Variants in NOSTRIN observed in about 807,000 individuals in gnomAD.
NOSTRIN encodes the protein nitric oxide synthase trafficking.
Under a neutral mutation model 59.0 loss-of-function variants are expected in NOSTRIN, and 63 were observed. That is an observed-to-expected ratio of 1.07 (90% CI 0.87 to 1.32). The LOEUF (loss-of-function observed/expected upper bound fraction) is 1.32. Ranked by LOEUF, NOSTRIN falls within the 40% of genes most tolerant of loss-of-function variation. The pLI, the probability that NOSTRIN is intolerant of heterozygous loss-of-function variation, is 0.00. For synonymous variants in NOSTRIN, 200 were observed against 165.4 expected (o/e 1.21, Z -1.61); for missense variants, 512 against 473.1 (o/e 1.08, Z -0.76).
chr2:168,853,911 A>G (rs984342623), intron 10 of NOSTRIN, among the ~76,000 whole-genome samples: 2 of 151,906 alleles, frequency 1.3e-5, no homozygotes, highest in African/African-American at 4.8e-5. Context: ...TCTGTGGCCC[A>G]GGCTGGAGTG....
chr2:168,807,715 A>G (rs964216364), intron 1 of NOSTRIN, among the ~76,000 whole-genome samples: 5 of 152,180 alleles, frequency 3.3e-5, no homozygotes, highest in African/African-American at 1.2e-4. Context: ...TTGGCAGAGT[A>G]TGGCTGGGAG....
chr2:168,835,038 T>C (rs1454261251), intron 7 of NOSTRIN, among the ~76,000 whole-genome samples: 3 of 152,154 alleles, frequency 2.0e-5, no homozygotes, highest in Non-Finnish European at 4.4e-5. Flanking sequence ...GCCTTAACTA[T>C]AGTAAATTTA....
chr2:168,821,227 C>T (rs1039934536), intron 2 of NOSTRIN, among the ~76,000 whole-genome samples: 2 of 152,326 alleles, frequency 1.3e-5, no homozygotes, highest in South Asian at 2.1e-4. Flanking sequence ...GGTTAGCTTT[C>T]CTGGACTCAG....
chr2:168,859,575 C>G lies in NOSTRIN; in HGVS notation c.1117C>G (p.Leu373Val). ...SYKLSSMLAE[L>V]EQRPQPSHPC... ...CAAACTGTCATCAATGTTAGCAGAA[C>G]TTGAGCAAAGACCTCAACCCAGCCA... The change falls in exon 13 of 16, where the codon CTT becomes GTT. Residue 373 changes from leucine (L) to valine (V), a missense_variant. By Grantham distance (32) the Leu-to-Val change is conservative. Transcript: ENST00000317647. 1 of 1,614,110 alleles carries G rather than the reference C, an allele frequency of 6.2e-7. No individual in the cohort carries two copies. Among genetic ancestry groups the G allele is most frequent in the Non-Finnish European group, 8.5e-7 (1 of 1,180,010 alleles).
At chr2:168,859,034 T>C (rs2105785257) in intron 12 of NOSTRIN, 1 of 152,854 alleles carries the variant, frequency 6.5e-6, no homozygotes, top group African/African-American at 2.4e-5. Context: ...CTGTAAACTT[T>C]GTGGGTAATA....
At chr2:168,808,768 G>C (rs1256308253) in intron 1 of NOSTRIN, among the ~76,000 whole-genome samples, 1 of 152,130 alleles carries the variant, frequency 6.6e-6, no homozygotes, top group Non-Finnish European at 1.5e-5. Context: ...CCATTAAAAA[G>C]TCAATTTTCC....
chr2:168,828,105 A>G (rs571011623), intron 3 of NOSTRIN, 53 bp from the exon 4 acceptor site: 1 of 867,912 alleles, frequency 1.2e-6, no homozygotes, highest in East Asian at 2.4e-5. Flanking sequence ...AGCACATCCT[A>G]TTTCCTAGGA....
At chr2:168,795,113 AT>A (rs1395191182), upstream of NOSTRIN, among the ~76,000 whole-genome samples, 1 of 152,204 alleles carries the variant, frequency 6.6e-6, no homozygotes, top group Admixed American at 6.5e-5. Context: ...TTTATAGGAA[AT>A]AACTATAAAT....
intron 2 of NOSTRIN, among the ~76,000 whole-genome samples, chr2:168,817,585 C>T (rs556122087): frequency 1.3e-5 from 2 of 152,284 alleles, no homozygotes; most frequent in African/African-American, 2.4e-5. Context: ...CACCACAATA[C>T]TCCCTGTCCT....
Position 168,841,235 on chromosome 2 carries a change from C to CAAA in NOSTRIN, c.505-1733_505-1731dup, listed in dbSNP as rs57480764. Among the ~76,000 whole-genome samples the CAAA allele has an allele frequency of 6.1e-4, 65 of 106,566 alleles. 1 individual carries two copies. Among genetic ancestry groups the CAAA allele is most frequent in the African/African-American group, 1.8e-3 (51 of 28,520 alleles). The allele number at this position is 106,566 out of a possible 152,430, so 69.9% of individuals were successfully genotyped here. A position where few individuals can be genotyped will look rare whatever the true frequency, so the allele number is the denominator to read the frequency against. On this transcript the variant is annotated intron_variant, in intron 7 of 15. Transcript: ENST00000317647. The stretch of plus-strand genomic sequence containing the variant: ...GGGTGACAGAGCCAGACCCTGTCTC[C>CAAA]AAAAAAAAAAAAAAAAAAAAAAAAA...
In NOSTRIN at chr2:168,819,026, T is replaced by C. The variant is rs549515624; in HGVS notation, c.114-5608T>C. 1.9e-3 allele frequency among the ~76,000 whole-genome samples: 236 copies of C among 121,316 alleles called. 1 individual carries two copies. The highest frequency in any genetic ancestry group is 6.9e-3 in the African/African-American group (218 of 31,682). 79.6% of individuals were successfully genotyped at this position (121,316 alleles called of 152,430 possible). ...AAGGCATTTTAAGTTGTATTAGCTA[T>C]GGTGGCAGTAGAATGGAAAGAAAAA... On this transcript the variant is annotated intron_variant, in intron 2 of 15. Transcript: ENST00000317647.
chr2:168,808,679 C>A (rs1043240281), intron 1 of NOSTRIN, among the ~76,000 whole-genome samples: 1 of 152,216 alleles, frequency 6.6e-6, no homozygotes, highest in Admixed American at 6.5e-5. Context: ...TAAAGAAAAT[C>A]ATAAAATTTT....
upstream of NOSTRIN, among the ~76,000 whole-genome samples, chr2:168,799,593 C>T (rs530163442): frequency 6.6e-6 from 1 of 152,282 alleles, no homozygotes; most frequent in South Asian, 2.1e-4. Flanking sequence ...GTGCTTTTTG[C>T]TGTGCTCCTT....
chr2:168,831,668 C>A (rs1052444723), intron 6 of NOSTRIN, 134 bp downstream of exon 6: 23 of 614,438 alleles, frequency 3.7e-5, no homozygotes, highest in African/African-American at 3.3e-4. Context: ...GTTTCCTTAC[C>A]TGGTTGTTAC....
intron 2 of NOSTRIN, among the ~76,000 whole-genome samples, chr2:168,816,022 T>C (rs568572204): frequency 1.3e-5 from 2 of 152,322 alleles, no homozygotes; most frequent in East Asian, 3.9e-4. Context: ...TTTTATGGCC[T>C]CTTCCACTGT....
At chr2:168,808,036 C>T (rs995678849) in intron 1 of NOSTRIN, among the ~76,000 whole-genome samples, 3 of 152,196 alleles carry the variant, frequency 2.0e-5, no homozygotes, top group Non-Finnish European at 4.4e-5. Flanking sequence ...GGCTTATAAA[C>T]TTTCAGCATG....
At position 168,802,640 on chromosome 2, in the gene NOSTRIN, T is replaced by C. The variant is rs374631257; in HGVS notation, c.-7T>C. On this transcript the variant is annotated 5_prime_UTR_variant, in exon 1 of 16. Transcript: ENST00000317647. ...GGTGAAAGGACAAAAGCCAGACACA[T>C]TTCAACATGAGGGACCCACTGACAG... The C allele has an allele frequency of 6.9e-6, 6 of 868,672 alleles. No homozygotes were observed. Among genetic ancestry groups the C allele is most frequent in the African/African-American group, 6.5e-5 (4 of 61,284 alleles). 53.8% of individuals were successfully genotyped at this position (868,672 alleles called of 1,614,324 possible).
At chr2:168,817,663 A>T (rs529119106) in intron 2 of NOSTRIN, among the ~76,000 whole-genome samples, 2 of 152,266 alleles carry the variant, frequency 1.3e-5, no homozygotes, top group South Asian at 4.1e-4. Context: ...GAAGTTCTAG[A>T]GCTGCCATTG....
intron 2 of NOSTRIN, among the ~76,000 whole-genome samples, chr2:168,789,555 C>T (rs1026204967): frequency 2.0e-5 from 3 of 152,228 alleles, no homozygotes; most frequent in Non-Finnish European, 4.4e-5. Context: ...TGTTACAATT[C>T]AAGGTGAGAT....
Sources: gnomAD v4.1 joint callset for allele counts (sites outside exome capture counted in the v4.1 genomes callset) on GRCh38, gnomAD v4.1.1 for gene constraint, MANE v1.5 for transcripts, NCBI Gene and HGNC (gene_info 2026-07-23, HGNC 2026-07-21) for gene names.